ZNF568: variants seen among roughly 807,000 people sequenced by gnomAD.
The protein encoded by ZNF568 is zinc finger protein 568, also known as p53 inhibitor of SCO2 activation.
ZNF568 carries 11 observed loss-of-function variants against 18.1 expected under a neutral mutation model. That is an observed-to-expected ratio of 0.61 (90% CI 0.38 to 1.00). The LOEUF is 1.00. Among genes scored for constraint, ZNF568 ranks in the 50% least tolerant of loss-of-function variants. The probability of loss-of-function intolerance (pLI) is 0.01; values close to 1 mark genes in which losing one functional copy is unlikely to be tolerated. For synonymous variants in ZNF568, 213 were observed against 246.6 expected (o/e 0.86, Z 1.28); for missense variants, 639 against 768.2 (o/e 0.83, Z 1.99).
At chr19:36,979,141 A>G (rs1042328902) in exon 8 of ZNF568, 3 of 235,138 alleles carry the variant, frequency 1.3e-5, no homozygotes, top group Non-Finnish European at 2.6e-5. Context: ...GTGTCACCAC[A>G]CCCAGCTAAT....
At chr19:36,972,931 T>A (rs1185594533) in intron 6 of ZNF568, among the ~76,000 whole-genome samples, 11 of 152,240 alleles carry the variant, frequency 7.2e-5, no homozygotes, top group Non-Finnish European at 1.5e-4. Flanking sequence ...TACATTTTTC[T>A]GAAGCCTCCA....
intron 7 of ZNF568, among the ~76,000 whole-genome samples, chr19:36,975,350 T>G (rs1176207454): frequency 1.3e-5 from 2 of 150,586 alleles, no homozygotes; most frequent in Non-Finnish European, 2.9e-5. Flanking sequence ...GGTTTCACTG[T>G]GTTGGCCAGG....
chr19:36,927,903 A>ATATTTATTTTTTTTTT (rs1568381621), intron 4 of ZNF568, among the ~76,000 whole-genome samples: 1 of 26,604 alleles, frequency 3.8e-5, no homozygotes. Context: ...ATATATATAT[A>ATATTTATTTTTTTTTT]TTTTTTTTTT....
chr19:36,955,203 T>G (rs1037817698), downstream of ZNF568, among the ~76,000 whole-genome samples: 1 of 152,170 alleles, frequency 6.6e-6, no homozygotes, highest in Non-Finnish European at 1.5e-5. Flanking sequence ...ACTTTTTTTT[T>G]TTGTCTAAAC....
intron 6 of ZNF568, among the ~76,000 whole-genome samples, chr19:36,962,277 GTTTTT>G (rs71177418): frequency 4.4e-5 from 2 of 45,266 alleles, no homozygotes; most frequent in Non-Finnish European, 7.6e-5. Flanking sequence ...GTGTTGCAGT[GTTTTT>G]TTTTTTTTTT....
At chr19:36,997,453 G>A (rs761673967), downstream of ZNF568, 1 of 1,588,932 alleles carries the variant, frequency 6.3e-7, no homozygotes, top group African/African-American at 1.3e-5. Flanking sequence ...TCACACTGGG[G>A]AGAGACCCCA....
chr19:36,943,247 T>A (rs571092257), intron 6 of ZNF568, among the ~76,000 whole-genome samples: 1 of 152,304 alleles, frequency 6.6e-6, no homozygotes, highest in South Asian at 2.1e-4. Flanking sequence ...GGCCAAATCC[T>A]CCTATTTCAG....
chr19:36,934,981 G>T (rs2073764311), intron 4 of ZNF568, among the ~76,000 whole-genome samples: 1 of 150,602 alleles, frequency 6.6e-6, no homozygotes. Context: ...GTGTTTCCCT[G>T]GCTGAAATTC....
At chr19:36,922,422 ATATCC>A (rs1250600860) in intron 2 of ZNF568, 159 bp from the exon 3 acceptor site, 1 of 180,566 alleles carries the variant, frequency 5.5e-6, no homozygotes, top group Non-Finnish European at 1.2e-5. Context: ...CATTTCTGCA[ATATCC>A]TATTGGTTAT....
At chr19:36,991,328 C>G (rs568823174) in intron 3 of ZNF568, 5 of 1,501,566 alleles carry the variant, frequency 3.3e-6, no homozygotes, top group African/African-American at 2.8e-5. Context: ...CCGTACACCC[C>G]CTGCCCCGCC....
intron 6 of ZNF568, among the ~76,000 whole-genome samples, chr19:36,939,650 C>A (rs1433333975): frequency 7.0e-6 from 1 of 142,706 alleles, no homozygotes; most frequent in Non-Finnish European, 1.5e-5. Context: ...AGCGATTCTT[C>A]TGCCTCAGCC....
intron 6 of ZNF568, among the ~76,000 whole-genome samples, chr19:36,945,956 G>A (rs770342670): frequency 1.6e-4 from 25 of 151,902 alleles, no homozygotes; most frequent in Non-Finnish European, 2.9e-4. Context: ...TTAGCCGGGC[G>A]TGGTGGTGTG....
At chr19:36,945,761 GTA>G (rs1491470324) in intron 6 of ZNF568, among the ~76,000 whole-genome samples, 3 of 137,380 alleles carry the variant, frequency 2.2e-5, no homozygotes, top group South Asian at 2.4e-4. Flanking sequence ...GTGTGTGTGT[GTA>G]TGTATGTGTG....
At chr19:36,948,473 A>C (rs2074000534) in intron 6 of ZNF568, among the ~76,000 whole-genome samples, 1 of 152,112 alleles carries the variant, frequency 6.6e-6, no homozygotes, top group South Asian at 2.1e-4. Flanking sequence ...CATTGGGGTA[A>C]ATACCAAGCA....
intron 1 of ZNF568, among the ~76,000 whole-genome samples, chr19:36,917,366 A>C (rs1355430165): frequency 6.6e-6 from 1 of 152,214 alleles, no homozygotes; most frequent in Non-Finnish European, 1.5e-5. Context: ...TTGGAGAGCA[A>C]AGTTACCTCG....
chr19:36,997,348 C>A, downstream of ZNF568: 1 of 1,602,316 alleles, frequency 6.2e-7, no homozygotes, highest in Non-Finnish European at 8.5e-7. Context: ...ACTTACCCGA[C>A]ATCAGAGAGC....
At chr19:36,997,600 C>G (rs1160773220), downstream of ZNF568, 14 of 1,552,284 alleles carry the variant, frequency 9.0e-6, no homozygotes, top group Middle Eastern at 3.3e-4. Flanking sequence ...ACTTAGTTGA[C>G]ACCAGAAAAT....
intron 6 of ZNF568, among the ~76,000 whole-genome samples, chr19:36,942,630 G>A (rs2073902813): frequency 6.7e-6 from 1 of 148,556 alleles, no homozygotes; most frequent in South Asian, 2.1e-4. Context: ...AGAATAGAGA[G>A]ATAATATAAG....
At chr19:36,957,219 CTTTTTTTT>C (rs56712509), downstream of ZNF568, among the ~76,000 whole-genome samples, 70 of 69,568 alleles carry the variant, frequency 1.0e-3, no homozygotes, top group African/African-American at 2.0e-3. Context: ...CCAGACTGTT[CTTTTTTTT>C]TTTTTTTTTT....
Sources: gnomAD v4.1 joint callset for allele counts (sites outside exome capture counted in the v4.1 genomes callset) on GRCh38, gnomAD v4.1.1 for gene constraint, MANE v1.5 for transcripts, NCBI Gene and HGNC (gene_info 2026-07-23, HGNC 2026-07-21) for gene names.